LOXL4: variants seen among roughly 807,000 people sequenced by gnomAD.
LOXL4 encodes lysyl oxidase like 4.
In LOXL4, 72 loss-of-function variants were observed where a neutral mutation model predicts 89.1. The ratio of observed to expected loss-of-function variants is 0.81; its 90% CI spans 0.67 to 0.98. LOXL4 has a LOEUF of 0.98. Among genes scored for constraint, LOXL4 ranks in the 50% least tolerant of loss-of-function variants. The pLI, the probability that LOXL4 is intolerant of heterozygous loss-of-function variation, is 0.00. For missense variants in LOXL4, 984 were observed against 1,017.5 expected (o/e 0.97, Z 0.45); for synonymous variants, 355 against 392.1 (o/e 0.91, Z 1.12).
At position 98,259,483 on chromosome 10, in the gene LOXL4, C is replaced by T. The variant is rs1858479826; in HGVS notation, c.663-54G>A. On this transcript the variant is annotated intron_variant, in intron 4 of 14. Transcript: ENST00000260702. ...GGAAGGGGTGTGGAAGTCCCACCCC[C>T]TGCCACCTGGTTCCTCATAGTTGTC... is the stretch of plus-strand genomic sequence containing the variant. 4 of 1,495,300 alleles carry T rather than the reference C, an allele frequency of 2.7e-6. No homozygotes were observed. The Admixed American group carries it at 6.8e-5, about 25-fold the overall frequency. The allele number at this position is 1,495,300 out of a possible 1,614,324, so 92.6% of individuals were successfully genotyped here.
At position 98,259,241 on chromosome 10, in the gene LOXL4, G is replaced by A. The variant is rs1858472747; in HGVS notation, c.702-13C>T. The stretch of plus-strand genomic sequence containing the variant: ...CAGGCTCTTCAGCCTAGAGGACAAG[G>A]GAGACTGAGGGTGGAGGAAGGGCTG... On this transcript the variant is annotated splice_polypyrimidine_tract_variant and intron_variant, in intron 5 of 14. Transcript: ENST00000260702. 6.2e-7 allele frequency: 1 copy of A among 1,606,718 alleles called. No homozygotes were observed. Among genetic ancestry groups the A allele is most frequent in the Non-Finnish European group, 8.5e-7 (1 of 1,175,866 alleles).
At chr10:98,262,670 G>GCC (rs1208791093) in intron 2 of LOXL4, 73 bp downstream of exon 2, 4 of 1,540,796 alleles carry the variant, frequency 2.6e-6, no homozygotes, top group Non-Finnish European at 3.5e-6. Flanking sequence ...GGATGGGTGG[G>GCC]TGTCAGTGAG....
At chr10:98,253,125 G>A (rs777688373) in intron 11 of LOXL4, among the ~76,000 whole-genome samples, 1 of 152,216 alleles carries the variant, frequency 6.6e-6, no homozygotes, top group Non-Finnish European at 1.5e-5. Flanking sequence ...TGAGGGCCTT[G>A]CCTTACTACT....
intron 11 of LOXL4, among the ~76,000 whole-genome samples, chr10:98,252,733 A>G (rs1858233844): frequency 6.6e-6 from 1 of 152,204 alleles, no homozygotes; most frequent in African/African-American, 2.4e-5. Context: ...GGTCGCCTCC[A>G]GGAGGCTGGT....
chr10:98,258,989 G>T lies in LOXL4; in HGVS notation c.921+20C>A. The T allele has an allele frequency of 1.3e-6, 2 of 1,509,846 alleles. No individual in the cohort carries two copies. Among genetic ancestry groups the T allele is most frequent in the Non-Finnish European group, 1.8e-6 (2 of 1,120,286 alleles). The allele number at this position is 1,509,846 out of a possible 1,614,324, so 93.5% of individuals were successfully genotyped here. A position where few individuals can be genotyped will look rare whatever the true frequency, so the allele number is the denominator to read the frequency against. ...CGTGCCTCCAAGCTGTGGTGTGAGTGCAGGATGCCCAGGGCTCACCTCTGC... is the reference window on the plus strand; with the variant it reads ...CGTGCCTCCAAGCTGTGGTGTGAGTTCAGGATGCCCAGGGCTCACCTCTGC... On this transcript the variant is annotated intron_variant, in intron 6 of 14. Coordinates refer to ENST00000260702, the MANE Select transcript of LOXL4 (RefSeq NM_032211.7).
chr10:98,262,675 A>C lies in LOXL4; in HGVS notation c.277+68T>G. 3 of 1,553,944 alleles carry C rather than the reference A, an allele frequency of 1.9e-6. No individual in the cohort carries two copies. In the South Asian group the frequency reaches 3.6e-5, roughly 19 times the overall value. On this transcript the variant is annotated intron_variant, in intron 2 of 14. Transcript: ENST00000260702. ...GGGTATTAAAGGATGGGTGGGTGTCAGTGAGCCCAGCCCAAGAAGACTGTT... is the reference window on the plus strand; with the variant it reads ...GGGTATTAAAGGATGGGTGGGTGTCCGTGAGCCCAGCCCAAGAAGACTGTT...
At position 98,262,200 on chromosome 10, in the gene LOXL4, C is replaced by T; in HGVS notation, c.291G>A (p.Leu97=). The T allele has an allele frequency of 2.5e-6, 4 of 1,613,614 alleles. No individual in the cohort carries two copies. The highest frequency in any genetic ancestry group is 3.4e-6 in the Non-Finnish European group (4 of 1,179,984). Residue 97 remains leucine, a synonymous_variant, in exon 3 of 15, where the codon CTG becomes CTA. Transcript: ENST00000260702. ...KYGQGEGPIW[L]DNVRCVGTES... ...CTGTGCCCACACAGCGCACATTGTC[C>T]AGCCAGATGGGTCCTGTGGAGTGGA...
intron 14 of LOXL4, among the ~76,000 whole-genome samples, chr10:98,250,803 G>A (rs1265862530): frequency 6.6e-6 from 1 of 152,180 alleles, no homozygotes; most frequent in Non-Finnish European, 1.5e-5. Flanking sequence ...GAACAGATTG[G>A]AAACTGAGTT....
chr10:98,255,709 C>A lies in LOXL4; in HGVS notation c.1459G>T (p.Ala487Ser), dbSNP rs753322353. 1 of 1,612,562 alleles carries A rather than the reference C, an allele frequency of 6.2e-7. No individual in the cohort carries two copies. The change falls in exon 10 of 15, where the codon GCC becomes TCC. Residue 487 changes from alanine (A) to serine (S), a missense_variant. Coordinates refer to ENST00000260702, the MANE Select transcript of LOXL4 (RefSeq NM_032211.7). ...ACCCCACTCATCACCACCTCCTGGG[C>A]CCTTGGCGTCCCCGACCAGAACCAG... ...ETWFWSGTPR[A>S]QEVVMSGVRC...
chr10:98,251,672 A>G lies in LOXL4; in HGVS notation c.1982T>C (p.Phe661Ser), dbSNP rs1412473239. Reference sequence around the variant, plus strand: ...GCCTACAGTCACTCCCTGTTCTCCAAAGTTGGCACATGCGTAGCGCCGCTG... The same window carrying G: ...GCCTACAGTCACTCCCTGTTCTCCAGAGTTGGCACATGCGTAGCGCCGCTG... ...GLQRRYACAN[F>S]GEQGVTVGCW... Residue 661 changes from phenylalanine (F) to serine (S), a missense_variant, in exon 13 of 15, where the codon TTT becomes TCT. Physicochemically the swap from Phe to Ser is radical, Grantham distance 155 (BLOSUM62 -2). Coordinates refer to ENST00000260702, the MANE Select transcript of LOXL4 (RefSeq NM_032211.7). The G allele has an allele frequency of 6.2e-7, 1 of 1,614,072 alleles. No homozygotes were observed. The highest frequency in any genetic ancestry group is 8.5e-7 in the Non-Finnish European group (1 of 1,180,026).
intron 1 of LOXL4, among the ~76,000 whole-genome samples, chr10:98,265,735 G>A (rs898027727): frequency 1.3e-5 from 2 of 152,156 alleles, no homozygotes; most frequent in Non-Finnish European, 2.9e-5. Flanking sequence ...TGACAGCGAC[G>A]ATAGAACCGT....
chr10:98,254,655 G>C (rs553281072), intron 10 of LOXL4, among the ~76,000 whole-genome samples: 2 of 152,258 alleles, frequency 1.3e-5, no homozygotes. Context: ...AAGTTGTCGT[G>C]AAGGATCAAA....
At chr10:98,264,539 T>C (rs1210772597) in intron 1 of LOXL4, among the ~76,000 whole-genome samples, 7 of 149,416 alleles carry the variant, frequency 4.7e-5, no homozygotes, top group Admixed American at 4.7e-4. Flanking sequence ...CAGGGGAGGG[T>C]TTCAGGCGGT....
At position 98,252,359 on chromosome 10, in the gene LOXL4, G is replaced by C; in HGVS notation, c.1945C>G (p.Pro649Ala). 2 of 1,611,290 alleles carry C rather than the reference G, an allele frequency of 1.2e-6. No individual in the cohort carries two copies. The highest frequency in any genetic ancestry group is 2.2e-5 in the East Asian group (1 of 44,850). ...CTGACAGGAAACCACATACCTGTGGGGCAGTTTGTGTCCTCCAGACAGAAG... is the reference window on the plus strand; with the variant it reads ...CTGACAGGAAACCACATACCTGTGGCGCAGTTTGTGTCCTCCAGACAGAAG... Reference protein sequence around the residue: ...ASFCLEDTNCPTGLQRRYACA... With the variant: ...ASFCLEDTNCATGLQRRYACA... The change falls in exon 12 of 15, where the codon CCC becomes GCC. Residue 649 changes from proline to alanine, a missense_variant. Transcript: ENST00000260702.
chr10:98,263,160 ATG>A (rs112780536), intron 1 of LOXL4, 109 bp from the exon 2 acceptor site: 25 of 495,576 alleles, frequency 5.0e-5, no homozygotes, highest in African/African-American at 3.3e-4. Flanking sequence ...CCCCCCTCAA[ATG>A]TGTGTGTGTG....
At chr10:98,264,454 C>T (rs897684863) in intron 1 of LOXL4, among the ~76,000 whole-genome samples, 3 of 151,178 alleles carry the variant, frequency 2.0e-5, no homozygotes, top group African/African-American at 7.3e-5. Context: ...GATGGAGGGA[C>T]GAGCTGGGGC....
rs1240194999 is a variant in LOXL4 at position 98,261,062 on chromosome 10, C to A, written c.522G>T (p.Val174=). 3 of 1,613,962 alleles carry A rather than the reference C, an allele frequency of 1.9e-6. No homozygotes were observed. The Admixed American group carries it at 5.0e-5, about 27-fold the overall frequency. Residue 174 remains valine, a synonymous_variant, in exon 4 of 15, where the codon GTG becomes GTT. Transcript: ENST00000260702. ...ACTTCACCTCCACGGCTCCCTCGGT[C>A]ACTGGGCTATGCTGCTTGGCACTGG... ...ILASAKQHSP[V]TEGAVEVKYE... is the part of the protein sequence containing the mutation.
At chr10:98,251,782 G>A in intron 12 of LOXL4, 80 bp from the exon 13 acceptor site, 2 of 1,529,616 alleles carry the variant, frequency 1.3e-6, no homozygotes, top group Non-Finnish European at 1.8e-6. Flanking sequence ...CCAGTTCAGT[G>A]TCATCATGCC....
intron 10 of LOXL4, 73 bp downstream of exon 10, chr10:98,255,504 A>G: frequency 6.8e-7 from 1 of 1,478,130 alleles, no homozygotes; most frequent in Non-Finnish European, 9.2e-7. Flanking sequence ...ACCTGGGACC[A>G]GCATGCAGGG....
Sources: gnomAD v4.1 joint callset for allele counts (sites outside exome capture counted in the v4.1 genomes callset) on GRCh38, gnomAD v4.1.1 for gene constraint, MANE v1.5 for transcripts, NCBI Gene and HGNC (gene_info 2026-07-23, HGNC 2026-07-21) for gene names.